The following PLBD1 variants were observed in gnomAD, a reference collection of about 807,000 sequenced individuals.
PLBD1 encodes the protein phospholipase B domain containing 1, also known as lysosomal leucine aminopeptidase.
In PLBD1, 60 loss-of-function variants were observed where a neutral mutation model predicts 63.0. That is an observed-to-expected ratio of 0.95 (90% CI 0.77 to 1.18). The LOEUF (loss-of-function observed/expected upper bound fraction) is 1.18, where lower values mean the gene tolerates loss of function less well. Ranked by LOEUF, PLBD1 falls within the 50% of genes most tolerant of loss-of-function variation. The pLI is 0.00. For synonymous variants in PLBD1, 262 were observed against 248.0 expected (o/e 1.06, Z -0.53); for missense variants, 598 against 677.9 (o/e 0.88, Z 1.31).
intron 1 of PLBD1, among the ~76,000 whole-genome samples, chr12:14,560,606 C>G (rs1216100585): frequency 1.3e-5 from 2 of 152,136 alleles, no homozygotes; most frequent in Non-Finnish European, 2.9e-5. Flanking sequence ...TAAATTGATA[C>G]CTGGTTTTTG....
chr12:14,535,163 CTT>C (rs1945502858), intron 6 of PLBD1, among the ~76,000 whole-genome samples: 2 of 152,170 alleles, frequency 1.3e-5, no homozygotes, highest in African/African-American at 2.4e-5. Flanking sequence ...ATATTGTCCT[CTT>C]GAGTATAGTG....
At chr12:14,536,511 G>A (rs1945515673) in intron 5 of PLBD1, 59 bp downstream of exon 5, 9 of 1,573,406 alleles carry the variant, frequency 5.7e-6, no homozygotes, top group South Asian at 1.1e-5. Flanking sequence ...ATACTTGGGC[G>A]CTATATAGAA....
intron 5 of PLBD1, 55 bp downstream of exon 5, chr12:14,536,515 T>G (rs35754761): frequency 0.28 from 447,431 of 1,586,502 alleles, 66,699 homozygotes; most frequent in Admixed American, 0.33. Flanking sequence ...TTGGGCGCTA[T>G]ATAGAAAAAG....
chr12:14,565,093 ATGAC>A (rs938124829), intron 1 of PLBD1, among the ~76,000 whole-genome samples: 5 of 152,222 alleles, frequency 3.3e-5, no homozygotes, highest in Admixed American at 6.5e-5. Context: ...TTTGGCTAGA[ATGAC>A]TGTGCAATTA....
intron 1 of PLBD1, among the ~76,000 whole-genome samples, chr12:14,562,666 T>TGACTTGAAA (rs1244644377): frequency 6.6e-6 from 1 of 152,300 alleles, no homozygotes; most frequent in East Asian, 1.9e-4. Context: ...AAGCTGGATG[T>TGACTTGAAA]TCGAAAGATT....
intron 6 of PLBD1, 65 bp downstream of exon 6, chr12:14,535,594 A>C: frequency 1.3e-6 from 2 of 1,544,958 alleles, no homozygotes; most frequent in Non-Finnish European, 1.8e-6. Context: ...GTTAACACTG[A>C]ATCACTAAGG....
intron 2 of PLBD1, among the ~76,000 whole-genome samples, chr12:14,548,606 A>G (rs1384437405): frequency 6.6e-6 from 1 of 152,172 alleles, no homozygotes; most frequent in Non-Finnish European, 1.5e-5. Flanking sequence ...ACCAAGCACA[A>G]AGGAGGTCCC....
intron 2 of PLBD1, among the ~76,000 whole-genome samples, chr12:14,543,506 C>T (rs984360353): frequency 1.3e-5 from 2 of 152,142 alleles, no homozygotes; most frequent in Non-Finnish European, 2.9e-5. Context: ...ATCACGAGGT[C>T]AGGAGTTTGA....
chr12:14,542,402 T>G (rs182657006), intron 2 of PLBD1, 111 bp from the exon 3 acceptor site: 1 of 733,898 alleles, frequency 1.4e-6, no homozygotes, highest in East Asian at 2.7e-5. Flanking sequence ...TTACAAACTC[T>G]GCCTACTATC....
chr12:14,515,484 CT>C (rs901756468), intron 6 of PLBD1, among the ~76,000 whole-genome samples: 3 of 150,184 alleles, frequency 2.0e-5, no homozygotes, highest in African/African-American at 4.9e-5. Context: ...TCTGCTATTG[CT>C]TTTTTTTTCT....
chr12:14,531,987 A>G (rs6488693), intron 6 of PLBD1, among the ~76,000 whole-genome samples: 1 of 152,104 alleles, frequency 6.6e-6, no homozygotes, highest in African/African-American at 2.4e-5. Context: ...AGAACAGGCT[A>G]AAAGCCCCAG....
Position 14,536,639 on chromosome 12 carries a change from A to G in PLBD1, c.630T>C (p.Ser210=). ...CCTTTAGGCTGCCGTTTTTTGTGGGAGAGAGTGAGGGAATCAGATCCAATA... is the reference window on the plus strand; with the variant it reads ...CCTTTAGGCTGCCGTTTTTTGTGGGGGAGAGTGAGGGAATCAGATCCAATA... ...GDLLDLIPSL[S]PTKNGSLKVF... The change falls in exon 5 of 11, where the codon TCT becomes TCC. Residue 210 remains serine (S), a synonymous_variant. Coordinates refer to ENST00000240617, the MANE Select transcript of PLBD1 (RefSeq NM_024829.6). The G allele has an allele frequency of 6.2e-7, 1 of 1,614,120 alleles. No homozygotes were observed. The highest frequency in any genetic ancestry group is 8.5e-7 in the Non-Finnish European group (1 of 1,179,992).
At chr12:14,536,272 C>T in intron 5 of PLBD1, 1 of 307,234 alleles carries the variant, frequency 3.3e-6, no homozygotes. Context: ...GCACTCCAGC[C>T]TGGGCAACAA....
At chr12:14,535,972 C>T (rs1318567207) in intron 5 of PLBD1, 169 bp from the exon 6 acceptor site, 13 of 600,224 alleles carry the variant, frequency 2.2e-5, no homozygotes, top group Non-Finnish European at 3.6e-5. Context: ...TAATGTGGCC[C>T]CAAACAGACT....
chr12:14,515,103 T>C (rs1403087723), intron 6 of PLBD1, among the ~76,000 whole-genome samples: 1 of 152,232 alleles, frequency 6.6e-6, no homozygotes, highest in Non-Finnish European at 1.5e-5. Flanking sequence ...GTAACCACTA[T>C]GTAGTCATGC....
At chr12:14,541,052 T>G in intron 3 of PLBD1, 150 bp from the exon 4 acceptor site, 1 of 819,968 alleles carries the variant, frequency 1.2e-6, no homozygotes, top group Non-Finnish European at 1.8e-6. Flanking sequence ...CTCAAAGGAC[T>G]TCAGGGCAAA....
chr12:14,513,923 G>A (rs1416196493), intron 6 of PLBD1, among the ~76,000 whole-genome samples: 1 of 152,014 alleles, frequency 6.6e-6, no homozygotes, highest in Non-Finnish European at 1.5e-5. Context: ...GGGACTACAG[G>A]CGCCCGCCAC....
chr12:14,506,308 T>C (rs373332103), intron 9 of PLBD1, 40 bp from the exon 10 acceptor site: 60 of 1,412,642 alleles, frequency 4.2e-5, no homozygotes, highest in Middle Eastern at 1.8e-4. Flanking sequence ...TTATTGGCTA[T>C]TTGGAGACAC....
At chr12:14,553,465 A>AT (rs1945676884) in intron 1 of PLBD1, 53 bp from the exon 2 acceptor site, 4 of 1,380,568 alleles carry the variant, frequency 2.9e-6, no homozygotes, top group East Asian at 2.3e-5. Flanking sequence ...GTTGTGATGC[A>AT]TTTTTTTCCT....
Sources: gnomAD v4.1 joint callset for allele counts (sites outside exome capture counted in the v4.1 genomes callset) on GRCh38, gnomAD v4.1.1 for gene constraint, MANE v1.5 for transcripts, NCBI Gene and HGNC (gene_info 2026-07-23, HGNC 2026-07-21) for gene names.